Variants in GAS7 observed in about 807,000 individuals in gnomAD.
GAS7 encodes the protein growth arrest-specific protein 7.
A neutral mutation model predicts 71.1 loss-of-function variants in GAS7; 28 were observed. The observed-to-expected ratio is 0.39, with a 90% CI of 0.29 to 0.54. GAS7 has a LOEUF of 0.54. Among genes scored for constraint, GAS7 ranks in the 20% least tolerant of loss-of-function variants. GAS7 has a pLI of 0.62. For missense variants in GAS7, 436 were observed against 627.8 expected, an observed-to-expected ratio of 0.69 and a Z score of 3.27; for synonymous variants, 258 against 245.8, an observed-to-expected ratio of 1.05 and a Z score of -0.46.
At chr17:10,159,913 GTA>G (rs1567614713) in intron 1 of GAS7, among the ~76,000 whole-genome samples, 1 of 151,774 alleles carries the variant, frequency 6.6e-6, no homozygotes, top group African/African-American at 2.4e-5. Flanking sequence ...AGTCTCCTGA[GTA>G]GCTGGGACTA....
intron 1 of GAS7, among the ~76,000 whole-genome samples, chr17:10,187,595 C>T (rs563389638): frequency 6.6e-6 from 1 of 152,258 alleles, no homozygotes; most frequent in South Asian, 2.1e-4. Flanking sequence ...TCTTTTTGTA[C>T]CGTATGCTTT....
intron 5 of GAS7, among the ~76,000 whole-genome samples, chr17:9,953,130 G>A (rs1260294321): frequency 6.6e-6 from 1 of 151,560 alleles, no homozygotes; most frequent in Non-Finnish European, 1.5e-5. Context: ...TAAAGGAAAC[G>A]TGGTACATAT....
chr17:9,946,106 G>C (rs1010612573), intron 6 of GAS7, among the ~76,000 whole-genome samples: 1 of 152,030 alleles, frequency 6.6e-6, no homozygotes, highest in African/African-American at 2.4e-5. Flanking sequence ...ACATTCACAG[G>C]GTTTGTGACC....
rs546017801 is a variant in GAS7 at position 9,966,286 on chromosome 17, C to T, written c.471+3391G>A. 7.4e-5 allele frequency among the ~76,000 whole-genome samples: 11 copies of T among 148,744 alleles called. No individual in the cohort carries two copies. In the East Asian group the frequency reaches 1.8e-3, roughly 24 times the overall value. ...GTGCTGGGATTACAGGCTTGAGCCA[C>T]CACGACCGCCCCCTCCCCCCAAAAT... On this transcript the variant is annotated intron_variant, in intron 4 of 13. Transcript: ENST00000432992.
chr17:10,097,527 G>A (rs967825181), intron 1 of GAS7, among the ~76,000 whole-genome samples: 3 of 152,212 alleles, frequency 2.0e-5, no homozygotes, highest in African/African-American at 7.2e-5. Context: ...TGAAGCAGGT[G>A]CAGCAGCTCT....
At chr17:10,086,885 C>A (rs1025561842) in intron 1 of GAS7, among the ~76,000 whole-genome samples, 1 of 152,122 alleles carries the variant, frequency 6.6e-6, no homozygotes, top group African/African-American at 2.4e-5. Flanking sequence ...GGCAGAAGAG[C>A]CGTGTCATAC....
rs747273725 is a variant in GAS7, at chr17:9,969,699, C to T, written c.449G>A (p.Arg150Gln). 4.3e-6 allele frequency: 7 copies of T among 1,610,124 alleles called. No individual in the cohort carries two copies. In the Admixed American group the frequency reaches 5.0e-5, roughly 12 times the overall value. ...HPPETAHMSV[R>Q]KSTGDSQNLG... Reference sequence around the variant, plus strand: ...TACCTGGGAATCACCGGTGGATTTTCGGACACTCATGTGGGCAGTCTCTGG... The same window carrying T: ...TACCTGGGAATCACCGGTGGATTTTTGGACACTCATGTGGGCAGTCTCTGG... The change falls in exon 4 of 14, where the codon CGA becomes CAA. Residue 150 changes from arginine (R) to glutamine (Q), a missense_variant. Physicochemically the swap from Arg to Gln is conservative, Grantham distance 43. Transcript: ENST00000432992. The surrounding 1 kb of genome is among the most constrained non-coding windows in gnomAD (Gnocchi z 5.5).
chr17:9,946,681 CA>C (rs1415433893), intron 6 of GAS7, among the ~76,000 whole-genome samples: 14 of 152,198 alleles, frequency 9.2e-5, no homozygotes, highest in Non-Finnish European at 1.9e-4. Flanking sequence ...GTAATGTGAA[CA>C]AAAGTCCTGC....
intron 1 of GAS7, among the ~76,000 whole-genome samples, chr17:10,023,774 C>T (rs1340804821): frequency 1.3e-5 from 2 of 152,210 alleles, no homozygotes; most frequent in African/African-American, 4.8e-5. Context: ...ATCATGAATA[C>T]ATAAATATAT....
At chr17:10,046,136 T>A (rs1464866054) in intron 1 of GAS7, among the ~76,000 whole-genome samples, 2 of 152,058 alleles carry the variant, frequency 1.3e-5, no homozygotes, top group Non-Finnish European at 2.9e-5. Context: ...TGGAGATTCT[T>A]TTTTTTAATC....
chr17:10,194,793 G>A (rs946570705), intron 1 of GAS7, among the ~76,000 whole-genome samples: 15 of 135,048 alleles, frequency 1.1e-4, no homozygotes, highest in Admixed American at 3.5e-4. Flanking sequence ...CTAACACGGC[G>A]AAACCTCACC....
At chr17:10,169,475 C>T (rs2074319418) in intron 1 of GAS7, among the ~76,000 whole-genome samples, 1 of 152,086 alleles carries the variant, frequency 6.6e-6, no homozygotes, top group Non-Finnish European at 1.5e-5. Context: ...AGGAAGGGTG[C>T]GTCATCCCTG....
At chr17:10,005,050 T>TATATATATATATATATATACACAC (rs1296844463) in intron 2 of GAS7, among the ~76,000 whole-genome samples, 8 of 150,078 alleles carry the variant, frequency 5.3e-5, no homozygotes, top group African/African-American at 2.0e-4. Flanking sequence ...TACATATATA[T>TATATATATATATATATATACACAC]ACACATATAT....
chr17:10,121,068 C>T (rs956747022), intron 1 of GAS7, among the ~76,000 whole-genome samples: 10 of 152,240 alleles, frequency 6.6e-5, no homozygotes, highest in African/African-American at 1.9e-4. Context: ...GGAATGTATA[C>T]AGCCGCCAGT....
intron 5 of GAS7, among the ~76,000 whole-genome samples, chr17:9,952,107 G>A (rs755081116): frequency 3.9e-5 from 6 of 152,140 alleles, no homozygotes; most frequent in Non-Finnish European, 5.9e-5. Context: ...TCCCAGAGTC[G>A]AGGATGAACA....
At chr17:10,023,512 A>G (rs2072349004) in intron 1 of GAS7, among the ~76,000 whole-genome samples, 1 of 152,270 alleles carries the variant, frequency 6.6e-6, no homozygotes, top group Non-Finnish European at 1.5e-5. Flanking sequence ...AATTAAAAAA[A>G]AAAATGGAGC....
chr17:10,046,953 ACCACT>A (rs1424391440), intron 1 of GAS7, among the ~76,000 whole-genome samples: 1 of 151,976 alleles, frequency 6.6e-6, no homozygotes, highest in Non-Finnish European at 1.5e-5. Context: ...TCACACCTTC[ACCACT>A]CTCTGCCCAT....
At chr17:10,005,152 T>C (rs1270370189) in intron 2 of GAS7, among the ~76,000 whole-genome samples, 1 of 71,006 alleles carries the variant, frequency 1.4e-5, no homozygotes, top group Admixed American at 1.8e-4. Context: ...CACGCATGCA[T>C]GCATGTGTGT....
chr17:10,056,984 C>T (rs532016442), intron 1 of GAS7, among the ~76,000 whole-genome samples: 14 of 152,030 alleles, frequency 9.2e-5, no homozygotes, highest in South Asian at 2.1e-4. Flanking sequence ...TTGGTGGAGA[C>T]GGGGTTTCGC....
Sources: allele counts gnomAD v4.1 joint callset (sites outside exome capture counted in the v4.1 genomes callset), GRCh38; gene constraint gnomAD v4.1.1; non-coding constraint Gnocchi (gnomAD v3.1); transcripts MANE v1.5; gene names NCBI Gene and HGNC (gene_info 2026-07-23, HGNC 2026-07-21).